Variants in RABGAP1L observed in about 807,000 individuals in gnomAD.
RABGAP1L encodes the protein RAB GTPase activating protein 1 like.
In RABGAP1L, 63 loss-of-function variants were observed where a neutral mutation model predicts 137.7. That is an observed-to-expected ratio of 0.46 (90% CI 0.37 to 0.56). The LOEUF (loss-of-function observed/expected upper bound fraction) is 0.56. RABGAP1L is among the 20% of genes least tolerant of loss of function. RABGAP1L has a pLI of 0.00. For missense variants in RABGAP1L, 1,095 were observed against 1,244.0 expected (o/e 0.88, Z 1.80); for synonymous variants, 431 against 433.7 (o/e 0.99, Z 0.08).
intron 18 of RABGAP1L, among the ~76,000 whole-genome samples, chr1:174,807,855 G>A (rs1689459934): frequency 1.3e-5 from 2 of 152,020 alleles, no homozygotes; most frequent in Non-Finnish European, 1.5e-5. Context: ...CCAACACTTT[G>A]GGAGGCCTGG....
At chr1:174,832,974 G>C (rs1036440484) in intron 19 of RABGAP1L, among the ~76,000 whole-genome samples, 2 of 152,098 alleles carry the variant, frequency 1.3e-5, no homozygotes, top group Non-Finnish European at 2.9e-5. Flanking sequence ...CAATTCTATA[G>C]ATCAGAAAAC....
chr1:174,235,344 C>T (rs1441893348), intron 4 of RABGAP1L, among the ~76,000 whole-genome samples: 1 of 125,990 alleles, frequency 7.9e-6, no homozygotes, highest in Non-Finnish European at 1.7e-5. Flanking sequence ...CTGTCTTGTG[C>T]CAGTTTTCAA....
chr1:174,582,796 C>T (rs1392706758), intron 13 of RABGAP1L, among the ~76,000 whole-genome samples: 1 of 152,140 alleles, frequency 6.6e-6, no homozygotes, highest in Non-Finnish European at 1.5e-5. Flanking sequence ...CTTGTTTTCC[C>T]TAATCCTTTT....
chr1:174,903,313 T>G (rs1241217335), intron 19 of RABGAP1L, among the ~76,000 whole-genome samples: 1 of 152,210 alleles, frequency 6.6e-6, no homozygotes, highest in African/African-American at 2.4e-5. Flanking sequence ...CCATTACAAC[T>G]CTGGGTTTAT....
At chr1:174,573,517 AT>A (rs1488038454) in intron 13 of RABGAP1L, among the ~76,000 whole-genome samples, 1 of 152,096 alleles carries the variant, frequency 6.6e-6, no homozygotes, top group Non-Finnish European at 1.5e-5. Context: ...AATATTAATG[AT>A]TACTGCCCAC....
chr1:174,344,387 T>C (rs993021051), intron 11 of RABGAP1L, among the ~76,000 whole-genome samples: 1 of 152,336 alleles, frequency 6.6e-6, no homozygotes, highest in East Asian at 1.9e-4. Context: ...TAAGTAGTTG[T>C]AGAAGGTCTG....
At chr1:174,605,534 C>T (rs910271365) in intron 13 of RABGAP1L, among the ~76,000 whole-genome samples, 1 of 151,932 alleles carries the variant, frequency 6.6e-6, no homozygotes, top group East Asian at 1.9e-4. Context: ...TATTACAATT[C>T]TTCGAAGAAA....
intron 13 of RABGAP1L, among the ~76,000 whole-genome samples, chr1:174,435,703 G>A (rs561398578): frequency 1.1e-4 from 16 of 151,470 alleles, no homozygotes; most frequent in South Asian, 2.1e-4. Context: ...TGTACACAAC[G>A]TGCAGGTTTG....
chr1:174,294,542 C>T (rs908428001), intron 10 of RABGAP1L, among the ~76,000 whole-genome samples: 7 of 152,050 alleles, frequency 4.6e-5, no homozygotes, highest in Non-Finnish European at 8.8e-5. Context: ...TCCTCAGGTA[C>T]GGAGGAACCA....
At chr1:174,366,178 A>G (rs1362341003) in intron 11 of RABGAP1L, among the ~76,000 whole-genome samples, 1 of 152,206 alleles carries the variant, frequency 6.6e-6, no homozygotes, top group Admixed American at 6.5e-5. Context: ...ATTCATTTTA[A>G]TAATTATAAT....
At chr1:174,286,685 A>G (rs1279134537) in intron 10 of RABGAP1L, among the ~76,000 whole-genome samples, 1 of 151,936 alleles carries the variant, frequency 6.6e-6, no homozygotes, top group African/African-American at 2.4e-5. Context: ...TTAGACATTT[A>G]TCAATATAAA....
chr1:174,472,301 GT>G (rs2149310146), intron 13 of RABGAP1L, among the ~76,000 whole-genome samples: 1 of 152,310 alleles, frequency 6.6e-6, no homozygotes, highest in East Asian at 1.9e-4. Flanking sequence ...AGGAAAGAAA[GT>G]GGTATAAGAG....
intron 11 of RABGAP1L, among the ~76,000 whole-genome samples, chr1:174,349,681 G>A (rs1307782452): frequency 1.5e-5 from 2 of 136,898 alleles, no homozygotes; most frequent in African/African-American, 2.7e-5. Context: ...GCCGGGCGTG[G>A]GGCTGACACC....
chr1:174,787,122 G>T (rs1687501355), intron 18 of RABGAP1L, among the ~76,000 whole-genome samples: 1 of 152,108 alleles, frequency 6.6e-6, no homozygotes, highest in South Asian at 2.1e-4. Flanking sequence ...AGAAAGTGAG[G>T]CTGGACATAG....
intron 1 of RABGAP1L, among the ~76,000 whole-genome samples, chr1:174,210,759 G>A (rs111779987): frequency 3.3e-5 from 5 of 152,222 alleles, no homozygotes; most frequent in African/African-American, 1.2e-4. Flanking sequence ...AGAACACCAA[G>A]CAGATTTAAA....
intron 13 of RABGAP1L, among the ~76,000 whole-genome samples, chr1:174,618,930 C>T (rs185440759): frequency 1.7e-3 from 255 of 152,196 alleles, no homozygotes; most frequent in African/African-American, 5.6e-3. Flanking sequence ...ATAACCAATA[C>T]AGAGAAGTGC....
At chr1:174,507,115 G>C (rs963808334) in intron 13 of RABGAP1L, among the ~76,000 whole-genome samples, 3 of 152,110 alleles carry the variant, frequency 2.0e-5, no homozygotes, top group Non-Finnish European at 4.4e-5. Context: ...AACAATGTTT[G>C]AAAATATGAG....
chr1:174,617,206 C>T (rs1454366193), intron 13 of RABGAP1L, among the ~76,000 whole-genome samples: 1 of 152,158 alleles, frequency 6.6e-6, no homozygotes, highest in East Asian at 1.9e-4. Flanking sequence ...TATGATTTGG[C>T]TTTATTCTAA....
chr1:174,284,791 G>T (rs1163266114), intron 10 of RABGAP1L, among the ~76,000 whole-genome samples: 3 of 126,932 alleles, frequency 2.4e-5, no homozygotes. Flanking sequence ...TGCCCAGGCT[G>T]GTCTCCAGCT....
Sources: allele counts gnomAD v4.1 joint callset (sites outside exome capture counted in the v4.1 genomes callset), GRCh38; gene constraint gnomAD v4.1.1; transcripts MANE v1.5; gene names NCBI Gene and HGNC (gene_info 2026-07-23, HGNC 2026-07-21).